LRRTM1: variants seen among roughly 807,000 people sequenced by gnomAD.
LRRTM1 encodes the protein leucine rich repeat transmembrane neuronal 1.
LRRTM1 carries 8 observed loss-of-function variants against 37.3 expected under a neutral mutation model. The observed-to-expected ratio is 0.21, with a 90% CI of 0.13 to 0.39. LRRTM1 has a LOEUF of 0.39. Ranked by LOEUF, LRRTM1 falls within the 10% of genes least tolerant of loss-of-function variation. The probability of loss-of-function intolerance (pLI) is 1.00; values close to 1 mark genes in which losing one functional copy is unlikely to be tolerated. For synonymous variants in LRRTM1, 326 were observed against 316.8 expected, an observed-to-expected ratio of 1.03 and a Z score of -0.31; for missense variants, 557 against 691.0, an observed-to-expected ratio of 0.81 and a Z score of 2.17.
rs1252315697 is a variant in LRRTM1 at position 80,302,746 on chromosome 2, G to A, written c.1074C>T (p.Tyr358=). The A allele has an allele frequency of 1.2e-6, 2 of 1,612,982 alleles. No individual in the cohort carries two copies. Among genetic ancestry groups the A allele is most frequent in the Non-Finnish European group, 1.7e-6 (2 of 1,179,876 alleles). ...CCCCATCCTCGCACAGGTGGAAGGCGTACACGGCGTCCAGGACGTCCTCGC... is the reference window on the plus strand; with the variant it reads ...CCCCATCCTCGCACAGGTGGAAGGCATACACGGCGTCCAGGACGTCCTCGC... ...AQGEDVLDAV[Y]AFHLCEDGAE... The change falls in exon 2 of 2, where the codon TAC becomes TAT. Residue 358 remains tyrosine (Y), a synonymous_variant. Transcript: ENST00000295057. This position sits in a 1 kb window ranked among gnomAD's most constrained non-coding sequence, Gnocchi z 6.4.
At chr2:80,300,152 A>G (rs1487959513), downstream of LRRTM1, among the ~76,000 whole-genome samples, 3 of 151,796 alleles carry the variant, frequency 2.0e-5, no homozygotes, top group Non-Finnish European at 4.4e-5. Flanking sequence ...CAAACAAAGC[A>G]CCTCTCTTCT....
chr2:80,297,791 C>T (rs1293226053), downstream of LRRTM1, among the ~76,000 whole-genome samples: 4 of 152,144 alleles, frequency 2.6e-5, no homozygotes, highest in Non-Finnish European at 4.4e-5. Context: ...GCCTGCAAAG[C>T]GTCTACCTAC....
At chr2:80,290,551 C>T (rs1051863226) in intron 2 of LRRTM1, among the ~76,000 whole-genome samples, 5 of 151,946 alleles carry the variant, frequency 3.3e-5, no homozygotes, top group African/African-American at 1.2e-4. Context: ...GTTTCCCAGC[C>T]ATTTTTTTTC....
downstream of LRRTM1, among the ~76,000 whole-genome samples, chr2:80,301,337 G>A (rs1438021128): frequency 6.6e-6 from 1 of 152,188 alleles, no homozygotes; most frequent in Non-Finnish European, 1.5e-5. Flanking sequence ...AGTGAGCTGA[G>A]GGGCTCCCTT....
rs1004090041 is a variant in LRRTM1, at chr2:80,302,044, G to T, written c.*207C>A. ...GATAGACTGTCCTGAAGGTTGTGGG[G>T]TGGGGTTTTTTGTTGTGTTTTAATT... is the stretch of plus-strand genomic sequence containing the variant. On this transcript the variant is annotated 3_prime_UTR_variant, in exon 2 of 2. Transcript: ENST00000295057. This position sits in a 1 kb window ranked among gnomAD's most constrained non-coding sequence, Gnocchi z 6.4. The T allele has an allele frequency of 1.7e-6, 1 of 601,114 alleles. No individual in the cohort carries two copies. The highest frequency in any genetic ancestry group is 3.3e-5 in the Admixed American group (1 of 30,316). 37.2% of individuals were successfully genotyped at this position (601,114 alleles called of 1,614,324 possible). A position where few individuals can be genotyped will look rare whatever the true frequency, so the allele number is the denominator to read the frequency against.
In LRRTM1 at chr2:80,302,265, C is replaced by A. The variant is rs1299716133; in HGVS notation, c.1555G>T (p.Glu519Ter). Reference protein sequence around the residue: ...SCTCHQQPARECEV With the variant: ...SCTCHQQPAR ...CACTGGGACAATCACACCTCGCATT[C>A]CCTCGCGGGCTGCTGGTGGCAGGTA... Residue 519 changes from glutamate to a stop codon, truncating the protein, a stop_gained, in exon 2 of 2, where the codon GAA becomes TAA. Coordinates refer to ENST00000295057, the MANE Select transcript of LRRTM1 (RefSeq NM_178839.5). LOFTEE classifies it high-confidence loss of function. This position sits in a 1 kb window ranked among gnomAD's most constrained non-coding sequence, Gnocchi z 6.4. 6.2e-7 allele frequency: 1 copy of A among 1,613,260 alleles called. No individual in the cohort carries two copies.
At chr2:80,296,686 C>T (rs927601480) in intron 2 of LRRTM1, among the ~76,000 whole-genome samples, 3 of 152,154 alleles carry the variant, frequency 2.0e-5, no homozygotes, top group Non-Finnish European at 4.4e-5. Flanking sequence ...TACTTTCTGT[C>T]GTGGAGCAGG....
rs1291213989 is a variant in LRRTM1 at position 80,302,512 on chromosome 2, G to C, written c.1308C>G (p.Ile436Met). 1 of 1,613,112 alleles carries C rather than the reference G, an allele frequency of 6.2e-7. No homozygotes were observed. The highest frequency in any genetic ancestry group is 1.3e-5 in the African/African-American group (1 of 75,072). ...CCAGGACCACGATGAGGAAGGAGAA[G>C]ATGAGGGCCATGGTGCCCGTGACCA... ...HKVVTGTMALIFSFLIVVLVL... is the reference protein window; with the variant it reads ...HKVVTGTMALMFSFLIVVLVL... The change falls in exon 2 of 2, where the codon ATC becomes ATG. Residue 436 changes from isoleucine to methionine, a missense_variant. Physicochemically the swap from Ile to Met is conservative, Grantham distance 10. Around this residue, in one of 5 missense-constraint regions of LRRTM1, gnomAD observed 90 missense variants for 149.4 expected, o/e 0.60. Coordinates refer to ENST00000295057, the MANE Select transcript of LRRTM1 (RefSeq NM_178839.5). The surrounding 1 kb of genome is among the most constrained non-coding windows in gnomAD (Gnocchi z 6.4).
At chr2:80,294,785 C>G (rs1333012167) in intron 2 of LRRTM1, among the ~76,000 whole-genome samples, 1 of 152,180 alleles carries the variant, frequency 6.6e-6, no homozygotes, top group East Asian at 1.9e-4. Flanking sequence ...GGTTGACAAG[C>G]ACTCTGCTAG....
intron 2 of LRRTM1, among the ~76,000 whole-genome samples, chr2:80,294,470 C>T (rs1675556315): frequency 6.6e-6 from 1 of 151,436 alleles, no homozygotes; most frequent in Non-Finnish European, 1.5e-5. Context: ...CCCCATGGAG[C>T]CCTGACCCCA....
chr2:80,303,131 G>A lies in LRRTM1; in HGVS notation c.689C>T (p.Pro230Leu). 1.2e-6 allele frequency: 2 copies of A among 1,614,098 alleles called. No individual in the cohort carries two copies. Among genetic ancestry groups the A allele is most frequent in the Non-Finnish European group, 1.7e-6 (2 of 1,180,044 alleles). ...GAGCGAGTGCAGGGAGATGAGGCGC[G>A]GGAAGTGGGCGAAGTTCACCTTGAC... is the stretch of plus-strand genomic sequence containing the variant. ...DLVKVNFAHF[P>L]RLISLHSLCL... Residue 230 changes from proline (P) to leucine (L), a missense_variant, in exon 2 of 2, where the codon CCG becomes CTG. Pro to Leu is a moderately conservative substitution (Grantham distance 98, BLOSUM62 -3). Transcript: ENST00000295057. This position sits in a 1 kb window ranked among gnomAD's most constrained non-coding sequence, Gnocchi z 7.7.
downstream of LRRTM1, among the ~76,000 whole-genome samples, chr2:80,300,388 C>A (rs539494228): frequency 2.7e-4 from 41 of 151,340 alleles, no homozygotes; most frequent in African/African-American, 9.9e-4. Context: ...AAATATTTCT[C>A]TTGAAAGAGA....
Position 80,303,968 on chromosome 2 carries a change from C to T in LRRTM1, c.-59-90G>A, listed in dbSNP as rs899426304. ...ATAAATACATAGAAATAAAGAAGGA[C>T]CCCCCTCCCCAAAAACCACACGTTC... On this transcript the variant is annotated intron_variant, in intron 1 of 1. Coordinates refer to ENST00000295057, the MANE Select transcript of LRRTM1 (RefSeq NM_178839.5). This position sits in a 1 kb window ranked among gnomAD's most constrained non-coding sequence, Gnocchi z 7.7. The T allele has an allele frequency of 5.4e-6, 5 of 928,218 alleles. No homozygotes were observed. The highest frequency in any genetic ancestry group is 3.6e-5 in the Admixed American group (1 of 27,846). 57.5% of individuals were successfully genotyped at this position (928,218 alleles called of 1,614,324 possible).
chr2:80,301,491 T>C (rs543062165), downstream of LRRTM1, among the ~76,000 whole-genome samples: 10 of 152,288 alleles, frequency 6.6e-5, no homozygotes, highest in Non-Finnish European at 1.5e-4. Flanking sequence ...TGTTTCGTGT[T>C]CCTAGGAGAA....
In LRRTM1 at chr2:80,293,353, A is replaced by C. The variant is rs187063114; in HGVS notation, c.*307-4158T>G. Among the ~76,000 whole-genome samples the C allele has an allele frequency of 4.5e-3, 687 of 152,346 alleles. 5 individuals are homozygous for C. The highest frequency in any genetic ancestry group is 0.016 in the African/African-American group (660 of 41,580). ...TAAGATAGAGAGCCCTGCTACACATAGTTTGCAATATTGAGAGTTCTTCAC... is the reference window on the plus strand; with the variant it reads ...TAAGATAGAGAGCCCTGCTACACATCGTTTGCAATATTGAGAGTTCTTCAC... On this transcript the variant is annotated intron_variant and NMD_transcript_variant, in intron 2 of 2. Transcript: ENST00000417012.
chr2:80,295,811 G>A (rs1247316345), intron 2 of LRRTM1, among the ~76,000 whole-genome samples: 1 of 152,174 alleles, frequency 6.6e-6, no homozygotes, highest in Non-Finnish European at 1.5e-5. Flanking sequence ...CTGCAGAAAT[G>A]TTATGATTAA....
chr2:80,295,736 T>C (rs1675684832), intron 2 of LRRTM1, among the ~76,000 whole-genome samples: 1 of 152,238 alleles, frequency 6.6e-6, no homozygotes, highest in Admixed American at 6.5e-5. Context: ...GACAGTACTA[T>C]GTCTAAAGAT....
At chr2:80,291,597 T>A (rs1226725596) in intron 2 of LRRTM1, among the ~76,000 whole-genome samples, 2 of 152,202 alleles carry the variant, frequency 1.3e-5, no homozygotes, top group African/African-American at 2.4e-5. Context: ...CAGCTGAAGA[T>A]GTATGCTTAG....
rs1676693997 is a variant in LRRTM1, at chr2:80,304,376, G to T, written c.-284C>A. 6.5e-6 allele frequency: 1 copy of T among 152,676 alleles called. No homozygotes were observed. Among genetic ancestry groups the T allele is most frequent in the Non-Finnish European group, 1.5e-5 (1 of 68,108 alleles). The allele number at this position is 152,676 out of a possible 1,614,324, so 9.5% of individuals were successfully genotyped here. ...TAGGACCCGCAAGTTTCCCAACTAC[G>T]TGCCGGAGCCCGAGCTTCGCCTTCC... is the stretch of plus-strand genomic sequence containing the variant. On this transcript the variant is annotated 5_prime_UTR_variant, in exon 1 of 2. Transcript: ENST00000295057.
Sources: allele counts gnomAD v4.1 joint callset (sites outside exome capture counted in the v4.1 genomes callset), GRCh38; gene constraint gnomAD v4.1.1; regional missense constraint gnomAD v4.1.1; non-coding constraint Gnocchi (gnomAD v3.1); transcripts MANE v1.5; gene names NCBI Gene and HGNC (gene_info 2026-07-23, HGNC 2026-07-21).